The following RPS6KA1 variants were observed in gnomAD, a reference collection of about 807,000 sequenced individuals.
The protein encoded by RPS6KA1 is ribosomal protein S6 kinase alpha-1.
A neutral mutation model predicts 91.3 loss-of-function variants in RPS6KA1; 48 were observed. The ratio of observed to expected loss-of-function variants is 0.53; its 90% CI spans 0.42 to 0.67. The LOEUF (loss-of-function observed/expected upper bound fraction) is 0.67. Among genes scored for constraint, RPS6KA1 ranks in the 30% least tolerant of loss-of-function variants. The pLI is 0.00. For missense variants in RPS6KA1, 719 were observed against 960.5 expected, an observed-to-expected ratio of 0.75 and a Z score of 3.32; for synonymous variants, 359 against 384.7, an observed-to-expected ratio of 0.93 and a Z score of 0.78.
intron 1 of RPS6KA1, among the ~76,000 whole-genome samples, chr1:26,532,342 G>T (rs1252946791): frequency 6.6e-6 from 1 of 152,194 alleles, no homozygotes; most frequent in Admixed American, 6.5e-5. Flanking sequence ...TCTCAAGATA[G>T]GGATTATTAC....
chr1:26,554,962 G>A lies in RPS6KA1; in HGVS notation c.757-189G>A, dbSNP rs1026837236. 7.2e-5 allele frequency among the ~76,000 whole-genome samples: 11 copies of A among 152,276 alleles called. No homozygotes were observed. The East Asian group carries it at 7.7e-4, about 11-fold the overall frequency. ...CAGTGCTGGCCTTCTCCCCAGCCTCGCGCCCCCACCGCTGCTCCTGGTGGT... is the reference window on the plus strand; with the variant it reads ...CAGTGCTGGCCTTCTCCCCAGCCTCACGCCCCCACCGCTGCTCCTGGTGGT... On this transcript the variant is annotated intron_variant, in intron 9 of 21. Transcript: ENST00000374168. The surrounding 1 kb of genome is among the most constrained non-coding windows in gnomAD (Gnocchi z 4.6).
chr1:26,543,933 G>T (rs2124623895), intron 2 of RPS6KA1: 1 of 385,220 alleles, frequency 2.6e-6, no homozygotes, highest in Non-Finnish European at 5.3e-6. Flanking sequence ...CTACTGTCTG[G>T]GTCCCCCTCA....
chr1:26,552,342 C>G (rs564375154), intron 6 of RPS6KA1, among the ~76,000 whole-genome samples: 1 of 134,086 alleles, frequency 7.5e-6, no homozygotes, highest in Admixed American at 7.9e-5. Flanking sequence ...GAGCCAAGAT[C>G]GCGCCACTGC....
In RPS6KA1 at chr1:26,574,674, T is replaced by G. The variant is rs1438650085; in HGVS notation, c.*473T>G. On this transcript the variant is annotated 3_prime_UTR_variant, in exon 22 of 22. Coordinates refer to ENST00000374168, the MANE Select transcript of RPS6KA1 (RefSeq NM_002953.4). The surrounding 1 kb of genome is among the most constrained non-coding windows in gnomAD (Gnocchi z 4.3). Reference sequence around the variant, plus strand: ...CACCTCTCTCAGAGCATCTGGCTGTTTAGCAGAACTCATTCTATCCCCAAT... The same window carrying G: ...CACCTCTCTCAGAGCATCTGGCTGTGTAGCAGAACTCATTCTATCCCCAAT... The G allele has an allele frequency of 2.8e-6, 1 of 351,586 alleles. No individual in the cohort carries two copies. The highest frequency in any genetic ancestry group is 2.2e-5 in the African/African-American group (1 of 46,468). 21.8% of individuals were successfully genotyped at this position (351,586 alleles called of 1,614,324 possible). A position where few individuals can be genotyped will look rare whatever the true frequency, so the allele number is the denominator to read the frequency against.
chr1:26,553,375 C>T lies in RPS6KA1; in HGVS notation c.469-16C>T. 1 of 1,580,878 alleles carries T rather than the reference C, an allele frequency of 6.3e-7. No homozygotes were observed. Among genetic ancestry groups the T allele is most frequent in the Non-Finnish European group, 8.7e-7 (1 of 1,150,432 alleles). On this transcript the variant is annotated splice_polypyrimidine_tract_variant and intron_variant, in intron 6 of 21. Transcript: ENST00000374168. ...AAGAGGAGGTCCCTGCTGAAGGCCC[C>T]TCCTGTCTTTTGCAGGTGATGTTCA...
intron 2 of RPS6KA1, among the ~76,000 whole-genome samples, chr1:26,543,416 T>A (rs908916382): frequency 1.3e-5 from 2 of 152,336 alleles, no homozygotes; most frequent in Middle Eastern, 3.4e-3. Flanking sequence ...TATTGCCATG[T>A]GGGCTTGGCC....
intron 20 of RPS6KA1, among the ~76,000 whole-genome samples, chr1:26,572,799 C>T (rs1000154962): frequency 2.0e-5 from 3 of 152,124 alleles, no homozygotes; most frequent in Non-Finnish European, 2.9e-5. Flanking sequence ...TATGTACGGC[C>T]GGCCACCTCA....
At position 26,540,464 on chromosome 1, in the gene RPS6KA1, G is replaced by A. The variant is rs2075938947; in HGVS notation, c.108+3495G>A. On this transcript the variant is annotated intron_variant, in intron 2 of 21. Coordinates refer to ENST00000374168, the MANE Select transcript of RPS6KA1 (RefSeq NM_002953.4). This position sits in a 1 kb window ranked among gnomAD's most constrained non-coding sequence, Gnocchi z 4.2. ...TTTGTTCATCCTCAGGACCCAGCTG[G>A]GCTGCCCCTCTCTGGAAGGTCTTTC... Among the ~76,000 whole-genome samples the A allele has an allele frequency of 6.6e-6, 1 of 152,146 alleles. No homozygotes were observed. Among genetic ancestry groups the A allele is most frequent in the African/African-American group, 2.4e-5 (1 of 41,436 alleles).
At chr1:26,568,350 C>T (rs1234042611) in intron 17 of RPS6KA1, among the ~76,000 whole-genome samples, 1 of 152,210 alleles carries the variant, frequency 6.6e-6, no homozygotes, top group Non-Finnish European at 1.5e-5. Flanking sequence ...AGCTGTACTT[C>T]CCCTCCCCCA....
At chr1:26,562,028 C>T (rs1029303895) in intron 17 of RPS6KA1, among the ~76,000 whole-genome samples, 2 of 152,060 alleles carry the variant, frequency 1.3e-5, no homozygotes, top group African/African-American at 4.8e-5. Context: ...CATGGTGAAA[C>T]CCCATCTCTA....
At chr1:26,541,462 C>T (rs1244451026) in intron 2 of RPS6KA1, among the ~76,000 whole-genome samples, 1 of 151,316 alleles carries the variant, frequency 6.6e-6, no homozygotes, top group Non-Finnish European at 1.5e-5. Context: ...GGCTGAGGTA[C>T]GAGAATCACT....
chr1:26,535,814 A>C (rs1383773061), intron 1 of RPS6KA1, among the ~76,000 whole-genome samples: 1 of 152,004 alleles, frequency 6.6e-6, no homozygotes, highest in Non-Finnish European at 1.5e-5. Context: ...TCTCTGCCAC[A>C]TGGGGCCAGG....
chr1:26,531,376 G>A (rs566431600), intron 1 of RPS6KA1: 1 of 152,428 alleles, frequency 6.6e-6, no homozygotes, highest in African/African-American at 2.4e-5. Flanking sequence ...TCCTGGGGGT[G>A]GTGCTCAGAG....
chr1:26,556,953 T>C, intron 12 of RPS6KA1, 45 bp from the exon 13 acceptor site: 1 of 1,442,232 alleles, frequency 6.9e-7, no homozygotes, highest in Non-Finnish European at 9.8e-7. Flanking sequence ...CCTGGTGGGC[T>C]GTTGAGGATG....
chr1:26,536,873 C>T, intron 1 of RPS6KA1, 52 bp from the exon 2 acceptor site: 2 of 1,603,648 alleles, frequency 1.2e-6, no homozygotes. Context: ...AGTCTTTCTC[C>T]CAAGCGTGTA....
chr1:26,546,071 G>A (rs768721717), intron 2 of RPS6KA1: 1 of 1,602,476 alleles, frequency 6.2e-7, no homozygotes, highest in Non-Finnish European at 8.5e-7. Context: ...TGACCTGGCT[G>A]TGTCCCTTGC....
rs745331051 is a variant in RPS6KA1 at position 26,551,621 on chromosome 1, A to G, written c.389-23A>G. The G allele has an allele frequency of 1.2e-6, 2 of 1,611,828 alleles. No individual in the cohort carries two copies. The highest frequency in any genetic ancestry group is 1.7e-5 in the Admixed American group (1 of 60,014). On this transcript the variant is annotated intron_variant, in intron 5 of 21. Transcript: ENST00000374168. The surrounding 1 kb of genome is among the most constrained non-coding windows in gnomAD (Gnocchi z 4.5). ...ATCATAAGGCCGCGCCGACTCTACC[A>G]TTGCCTTTCTCCCTCTTCCCAGCCT...
chr1:26,551,660 C>G lies in RPS6KA1; in HGVS notation c.405C>G (p.Gly135=), dbSNP rs1157531889. The change falls in exon 6 of 22, where the codon GGC becomes GGG. Residue 135 remains glycine (G), a synonymous_variant. Transcript: ENST00000374168. This position sits in a 1 kb window ranked among gnomAD's most constrained non-coding sequence, Gnocchi z 4.5. ...VKLHYAFQTE[G]KLYLILDFLR... is the part of the protein sequence containing the mutation. ...TCTTCCCAGCCTTCCAGACCGAGGG[C>G]AAGCTCTATCTCATTCTGGACTTCC... 3.7e-6 allele frequency: 6 copies of G among 1,614,178 alleles called. No homozygotes were observed. The highest frequency in any genetic ancestry group is 5.1e-6 in the Non-Finnish European group (6 of 1,179,988).
rs181356500 is a variant in RPS6KA1, at chr1:26,573,049, C to T, written c.1948-175C>T. ...AGGGCCTAGAGCAGCAAAGGCCCAG[C>T]GACAGGAACCTTGGCTGTGTGCGGG... is the stretch of plus-strand genomic sequence containing the variant. On this transcript the variant is annotated intron_variant, in intron 20 of 21. Coordinates refer to ENST00000374168, the MANE Select transcript of RPS6KA1 (RefSeq NM_002953.4). Among the ~76,000 whole-genome samples, 8 of 152,276 alleles carry T rather than the reference C, an allele frequency of 5.3e-5. No individual in the cohort carries two copies. The East Asian group carries it at 5.8e-4, about 11-fold the overall frequency.
Sources: gnomAD v4.1 joint callset for allele counts (sites outside exome capture counted in the v4.1 genomes callset) on GRCh38, gnomAD v4.1.1 for gene constraint, Gnocchi (gnomAD v3.1) non-coding constraint, MANE v1.5 for transcripts, NCBI Gene and HGNC (gene_info 2026-07-23, HGNC 2026-07-21) for gene names.